The following NALCN variants were observed in gnomAD, a reference collection of about 807,000 sequenced individuals.
NALCN encodes sodium leak channel NALCN.
A neutral mutation model predicts 225.3 loss-of-function variants in NALCN; 111 were observed. The observed-to-expected ratio is 0.49, with a 90% confidence interval of 0.42 to 0.58. The LOEUF is 0.58. Ranked by LOEUF, NALCN falls within the 20% of genes least tolerant of loss-of-function variation. The probability of loss-of-function intolerance (pLI) is 0.00; values close to 1 mark genes in which losing one functional copy is unlikely to be tolerated. For synonymous variants in NALCN, 764 were observed against 769.0 expected (o/e 0.99, Z 0.11); for missense variants, 1,378 against 2,202.4 (o/e 0.63, Z 7.49).
At position 101,074,708 on chromosome 13, in the gene NALCN, GAGAGAC is replaced by G. The variant is rs766722285; in HGVS notation, c.3955-52_3955-47del. On this transcript the variant is annotated intron_variant, in intron 35 of 43. Transcript: ENST00000251127. The stretch of plus-strand genomic sequence containing the variant: ...GCGGGGAGACAGAGAGAGAGAGAGA[GAGAGAC>G]AGAGACAGAGAGAGAGAGAGAGAGA... 13 of 1,522,604 alleles carry G rather than the reference GAGAGAC, an allele frequency of 8.5e-6. No homozygotes were observed. In the South Asian group the frequency reaches 1.5e-4, roughly 18 times the overall value. 94.3% of individuals were successfully genotyped at this position (1,522,604 alleles called of 1,614,324 possible). A position where few individuals can be genotyped will look rare whatever the true frequency, so the allele number is the denominator to read the frequency against.
intron 17 of NALCN, among the ~76,000 whole-genome samples, chr13:101,129,320 A>T (rs892047341): frequency 6.6e-6 from 1 of 152,184 alleles, no homozygotes; most frequent in Non-Finnish European, 1.5e-5. Context: ...AAATGTCATT[A>T]TGAACTCAAG....
chr13:101,364,745 T>C (rs1056211017), intron 6 of NALCN, among the ~76,000 whole-genome samples: 5 of 152,198 alleles, frequency 3.3e-5, no homozygotes, highest in Admixed American at 2.6e-4. Flanking sequence ...ATTCAAATGT[T>C]CCCAGTATTA....
At chr13:101,366,078 G>T (rs1437713032) in intron 6 of NALCN, among the ~76,000 whole-genome samples, 1 of 152,118 alleles carries the variant, frequency 6.6e-6, no homozygotes, top group Non-Finnish European at 1.5e-5. Context: ...GCTTCGGGGA[G>T]ATTTCTGCCA....
chr13:101,378,582 A>G lies in NALCN; in HGVS notation c.363T>C (p.Ser121=). ...AATATTTAATTACCTGTAGCACCAA[A>G]GAAACCCAAAGGCAAAAGACCATAA... The part of the protein sequence containing the change: ...DGFMVFCLWV[S]LVLQVFEIAD... The change falls in exon 4 of 44, where the codon TCT becomes TCC. Residue 121 remains serine, a synonymous_variant. Transcript: ENST00000251127. 6.2e-7 allele frequency: 1 copy of G among 1,607,738 alleles called. No individual in the cohort carries two copies. The highest frequency in any genetic ancestry group is 8.5e-7 in the Non-Finnish European group (1 of 1,176,556).
chr13:101,212,667 G>A (rs981818876), intron 13 of NALCN, among the ~76,000 whole-genome samples: 1 of 152,140 alleles, frequency 6.6e-6, no homozygotes, highest in African/African-American at 2.4e-5. Context: ...GGCAGACTGA[G>A]GGAGGGTAAA....
intron 17 of NALCN, among the ~76,000 whole-genome samples, chr13:101,140,156 T>C (rs1330281546): frequency 3.9e-5 from 6 of 152,224 alleles, no homozygotes; most frequent in Non-Finnish European, 7.3e-5. Flanking sequence ...AGAAAAAGTA[T>C]GTTTTTGACA....
intron 30 of NALCN, among the ~76,000 whole-genome samples, chr13:101,087,277 T>C (rs907028231): frequency 6.6e-6 from 1 of 152,162 alleles, no homozygotes; most frequent in Non-Finnish European, 1.5e-5. Context: ...ATTTGGAAAT[T>C]TACCTATGTG....
intron 6 of NALCN, among the ~76,000 whole-genome samples, chr13:101,368,066 A>G (rs547087401): frequency 5.5e-4 from 83 of 151,652 alleles, no homozygotes; most frequent in African/African-American, 2.0e-3. Context: ...GGTTAGTTAC[A>G]TATGTATACA....
At chr13:101,386,638 A>T (rs1347995476) in intron 3 of NALCN, among the ~76,000 whole-genome samples, 1 of 152,078 alleles carries the variant, frequency 6.6e-6, no homozygotes, top group Non-Finnish European at 1.5e-5. Flanking sequence ...TACTAGGTCA[A>T]TAAACTTAGT....
Position 101,378,639 on chromosome 13 carries a change from A to G in NALCN, c.306T>C (p.Tyr102=), listed in dbSNP as rs527789070. ...IRGIVKGDSS[Y]VKDRWCVFDG... is the part of the protein sequence containing the mutation. ...CAAAAACACACCAGCGATCTTTCAC[A>G]TAGGAACTATCCCCCTAAAAATAAA... is the stretch of plus-strand genomic sequence containing the variant. Residue 102 remains tyrosine, a synonymous_variant, in exon 4 of 44, where the codon TAT becomes TAC. Transcript: ENST00000251127. 3.7e-6 allele frequency: 6 copies of G among 1,610,114 alleles called. No homozygotes were observed. The South Asian group carries it at 4.4e-5, about 12-fold the overall frequency.
chr13:101,060,276 T>TTTTTTTTTG lies in NALCN; in HGVS notation c.4756-310_4756-309insCAAAAAAAA, dbSNP rs1491178556. Among the ~76,000 whole-genome samples, 94 of 45,834 alleles carry TTTTTTTTTG rather than the reference T, an allele frequency of 2.1e-3. 5 individuals carry two copies. The East Asian group carries it at 0.039, about 19-fold the overall frequency. 30.1% of individuals were successfully genotyped at this position (45,834 alleles called of 152,430 possible). ...TTCTTTTTGTTGTTGGTGTTTTCTGTTTTTTTTTTTTTTTTTTTAGATAGG... is the reference window on the plus strand; with the variant it reads ...TTCTTTTTGTTGTTGGTGTTTTCTGTTTTTTTTTGTTTTTTTTTTTTTTTTTTAGATAGG... On this transcript the variant is annotated intron_variant, in intron 41 of 43. Transcript: ENST00000251127.
chr13:101,354,375 G>A (rs539374922), intron 6 of NALCN, among the ~76,000 whole-genome samples: 5 of 152,176 alleles, frequency 3.3e-5, no homozygotes, highest in African/African-American at 1.2e-4. Flanking sequence ...TAAGCATCAG[G>A]ACACAGAGGA....
At chr13:101,388,521 C>T (rs907755161) in intron 3 of NALCN, among the ~76,000 whole-genome samples, 4 of 152,144 alleles carry the variant, frequency 2.6e-5, no homozygotes, top group South Asian at 2.1e-4. Context: ...ATTTTGAAAA[C>T]GATTTGGTCC....
chr13:101,380,733 C>T (rs1471019007), intron 3 of NALCN, among the ~76,000 whole-genome samples: 1 of 151,942 alleles, frequency 6.6e-6, no homozygotes, highest in Non-Finnish European at 1.5e-5. Flanking sequence ...ATGGTGTATG[C>T]AAAACTAACA....
Position 101,089,633 on chromosome 13 carries a change from C to T in NALCN, c.3489+30G>A. On this transcript the variant is annotated intron_variant, in intron 30 of 43. Transcript: ENST00000251127. The surrounding 1 kb of genome is among the most constrained non-coding windows in gnomAD (Gnocchi z 4.7). ...AAGTGAGTGGCTAGAAAAGGCTAAA[C>T]CCTGTGGTATCCAAACCAAAAATCC... 6.2e-7 allele frequency: 1 copy of T among 1,601,498 alleles called. No homozygotes were observed. The highest frequency in any genetic ancestry group is 8.5e-7 in the Non-Finnish European group (1 of 1,170,686).
chr13:101,301,905 A>G (rs16958812), intron 7 of NALCN, among the ~76,000 whole-genome samples: 14,242 of 152,152 alleles, frequency 0.094, 924 homozygotes, highest in African/African-American at 0.17. Flanking sequence ...ACTGCTGATC[A>G]CCACTAAGGC....
At chr13:101,319,517 TA>T (rs1392942770) in intron 7 of NALCN, among the ~76,000 whole-genome samples, 3 of 152,204 alleles carry the variant, frequency 2.0e-5, no homozygotes, top group African/African-American at 7.2e-5. Context: ...AATATTGGCC[TA>T]AATATACTTT....
At chr13:101,390,657 C>A (rs1258335174) in intron 3 of NALCN, among the ~76,000 whole-genome samples, 1 of 151,622 alleles carries the variant, frequency 6.6e-6, no homozygotes, top group African/African-American at 2.4e-5. Context: ...AAAGAGCAAG[C>A]CACTTCGAGG....
intron 7 of NALCN, among the ~76,000 whole-genome samples, chr13:101,333,232 G>A (rs1176625012): frequency 6.6e-6 from 1 of 152,128 alleles, no homozygotes; most frequent in East Asian, 1.9e-4. Flanking sequence ...AATCTTTATA[G>A]TAGCAATTGT....
Sources: allele counts gnomAD v4.1 joint callset (sites outside exome capture counted in the v4.1 genomes callset), GRCh38; gene constraint gnomAD v4.1.1; non-coding constraint Gnocchi (gnomAD v3.1); transcripts MANE v1.5; gene names NCBI Gene and HGNC (gene_info 2026-07-23, HGNC 2026-07-21).